CNTN5: variants seen among roughly 807,000 people sequenced by gnomAD.
CNTN5 encodes the protein contactin 5.
A neutral mutation model predicts 129.1 loss-of-function variants in CNTN5; 77 were observed. That is an observed-to-expected ratio of 0.60 (90% CI 0.50 to 0.72). The LOEUF (loss-of-function observed/expected upper bound fraction) is 0.72, where lower values mean the gene tolerates loss of function less well. Among genes scored for constraint, CNTN5 ranks in the 30% least tolerant of loss-of-function variants. The pLI, the probability that CNTN5 is intolerant of heterozygous loss-of-function variation, is 0.00. For missense variants in CNTN5, 1,478 were observed against 1,328.8 expected (o/e 1.11, Z -1.75); for synonymous variants, 509 against 465.6 (o/e 1.09, Z -1.20).
chr11:99,437,446 T>G (rs1453026372), intron 2 of CNTN5, among the ~76,000 whole-genome samples: 1 of 152,204 alleles, frequency 6.6e-6, no homozygotes, highest in Admixed American at 6.5e-5. Context: ...AAGTATAATT[T>G]TAAGGTCAAT....
rs186176678 is a variant in CNTN5, at chr11:100,126,812, T to A, written c.1580+52518T>A. Reference sequence around the variant, plus strand: ...TTAATATTGACATGTAAGCTTTTAATCTTATTGTGAAGTCATTAGCTGGTT... The same window carrying A: ...TTAATATTGACATGTAAGCTTTTAAACTTATTGTGAAGTCATTAGCTGGTT... On this transcript the variant is annotated intron_variant, in intron 13 of 24. Transcript: ENST00000524871. Among the ~76,000 whole-genome samples, 286 of 152,232 alleles carry A rather than the reference T, an allele frequency of 1.9e-3. 5 individuals are homozygous for A. The highest frequency in any genetic ancestry group is 0.017 in the Admixed American group (259 of 15,274).
chr11:99,505,690 A>C (rs1305468178), intron 2 of CNTN5, among the ~76,000 whole-genome samples: 6 of 152,172 alleles, frequency 3.9e-5, no homozygotes, highest in Admixed American at 3.9e-4. Context: ...CTCCTCCCCC[A>C]ATCCCTATGT....
intron 4 of CNTN5, among the ~76,000 whole-genome samples, chr11:99,833,436 T>G (rs1357485928): frequency 6.6e-6 from 1 of 152,130 alleles, no homozygotes; most frequent in East Asian, 1.9e-4. Flanking sequence ...TGTTTCTTAC[T>G]TTCAGTAGAG....
At chr11:100,036,141 TG>T (rs1941987506) in intron 9 of CNTN5, among the ~76,000 whole-genome samples, 1 of 152,224 alleles carries the variant, frequency 6.6e-6, no homozygotes, top group Non-Finnish European at 1.5e-5. Flanking sequence ...AATTATTTTT[TG>T]TATAAGGTGT....
chr11:99,791,492 A>T (rs1945741056), intron 3 of CNTN5, among the ~76,000 whole-genome samples: 1 of 151,786 alleles, frequency 6.6e-6, no homozygotes, highest in South Asian at 2.1e-4. Context: ...ATTTTCTTCT[A>T]TTCATCTATG....
intron 18 of CNTN5, among the ~76,000 whole-genome samples, chr11:100,279,738 T>C (rs535840677): frequency 2.6e-5 from 4 of 151,630 alleles, no homozygotes; most frequent in Non-Finnish European, 4.4e-5. Flanking sequence ...CATTTTAACT[T>C]TAAAAAAACC....
intron 1 of CNTN5, among the ~76,000 whole-genome samples, chr11:99,077,726 G>A (rs1003769160): frequency 6.6e-6 from 1 of 152,162 alleles, no homozygotes; most frequent in African/African-American, 2.4e-5. Flanking sequence ...TTCCCAACCT[G>A]TTCTGTTAGT....
chr11:99,371,837 A>G lies in CNTN5; in HGVS notation c.-71+46353A>G, dbSNP rs1939844514. ...TAAGGCATGAAGCATAATTTCTACA[A>G]CCTTCGATACTGTCATTTTCCCTTT... On this transcript the variant is annotated intron_variant, in intron 2 of 24. Coordinates refer to ENST00000524871, the MANE Select transcript of CNTN5 (RefSeq NM_014361.4). Among the ~76,000 whole-genome samples the G allele has an allele frequency of 2.0e-5, 3 of 152,182 alleles. 1 individual carries two copies. The highest frequency in any genetic ancestry group is 4.1e-4 in the South Asian group (2 of 4,834).
chr11:99,393,290 G>A (rs905544461), intron 2 of CNTN5, among the ~76,000 whole-genome samples: 2 of 151,778 alleles, frequency 1.3e-5, no homozygotes, highest in African/African-American at 4.8e-5. Flanking sequence ...AGAAAAAGGA[G>A]TATGTTCAAA....
At chr11:99,814,695 G>T (rs1482651763) in intron 3 of CNTN5, among the ~76,000 whole-genome samples, 1 of 152,034 alleles carries the variant, frequency 6.6e-6, no homozygotes, top group Admixed American at 6.6e-5. Context: ...ATGAGAGCAG[G>T]GTGAAAGAGA....
At chr11:99,524,090 G>T (rs1947393850) in intron 2 of CNTN5, among the ~76,000 whole-genome samples, 1 of 152,066 alleles carries the variant, frequency 6.6e-6, no homozygotes, top group Admixed American at 6.6e-5. Flanking sequence ...GTAAAAAAAT[G>T]AATGAAAATA....
chr11:99,916,875 CA>C (rs2136015876), intron 7 of CNTN5, among the ~76,000 whole-genome samples: 2 of 152,120 alleles, frequency 1.3e-5, no homozygotes, highest in South Asian at 4.1e-4. Context: ...AGAGAAAGAG[CA>C]CAAGGAAGAA....
At chr11:99,182,438 G>A (rs1354641088) in intron 1 of CNTN5, among the ~76,000 whole-genome samples, 1 of 146,774 alleles carries the variant, frequency 6.8e-6, no homozygotes, top group Non-Finnish European at 1.5e-5. Context: ...TGGCAGAGTG[G>A]CTTTATACAC....
chr11:99,415,280 A>G (rs1942601225), intron 2 of CNTN5, among the ~76,000 whole-genome samples: 1 of 152,070 alleles, frequency 6.6e-6, no homozygotes, highest in South Asian at 2.1e-4. Context: ...CTGAGGTTTA[A>G]TGAAGCAGGG....
intron 6 of CNTN5, among the ~76,000 whole-genome samples, chr11:99,879,211 T>G (rs544051169): frequency 6.6e-6 from 1 of 152,126 alleles, no homozygotes; most frequent in Non-Finnish European, 1.5e-5. Flanking sequence ...GTGCTGGGAT[T>G]ACAGGCGTGA....
intron 1 of CNTN5, among the ~76,000 whole-genome samples, chr11:99,134,188 T>A (rs1487754021): frequency 1.3e-5 from 2 of 152,084 alleles, no homozygotes. Flanking sequence ...CACTTCTAAG[T>A]GGGAGCTGAA....
At chr11:99,869,478 T>A (rs1229998498) in intron 6 of CNTN5, among the ~76,000 whole-genome samples, 1 of 152,232 alleles carries the variant, frequency 6.6e-6, no homozygotes, top group African/African-American at 2.4e-5. Flanking sequence ...AATTTTAAAC[T>A]GAGATTACTT....
intron 21 of CNTN5, among the ~76,000 whole-genome samples, chr11:100,338,270 T>A (rs1952078450): frequency 6.6e-6 from 1 of 152,150 alleles, no homozygotes; most frequent in Non-Finnish European, 1.5e-5. Context: ...AAATGTTCAT[T>A]CTTGAGATCA....
chr11:99,755,682 C>A (rs1003335717), intron 3 of CNTN5, among the ~76,000 whole-genome samples: 3 of 151,906 alleles, frequency 2.0e-5, no homozygotes, highest in Non-Finnish European at 4.4e-5. Flanking sequence ...CACTTTCCTG[C>A]AAGTGTCTTT....
Sources: gnomAD v4.1 joint callset for allele counts (sites outside exome capture counted in the v4.1 genomes callset) on GRCh38, gnomAD v4.1.1 for gene constraint, MANE v1.5 for transcripts, NCBI Gene and HGNC (gene_info 2026-07-23, HGNC 2026-07-21) for gene names.